ETV6: variants seen among roughly 807,000 people sequenced by gnomAD.
The protein encoded by ETV6 is transcription factor ETV6.
In ETV6, 16 loss-of-function variants were observed where a neutral mutation model predicts 51.1. The ratio of observed to expected loss-of-function variants is 0.31; its 90% CI spans 0.21 to 0.48. The LOEUF (loss-of-function observed/expected upper bound fraction) is 0.48, where lower values mean the gene tolerates loss of function less well. Ranked by LOEUF, ETV6 falls within the 20% of genes least tolerant of loss-of-function variation. ETV6 has a pLI of 0.99. For synonymous variants in ETV6, 240 were observed against 224.1 expected (o/e 1.07, Z -0.64); for missense variants, 458 against 594.8 (o/e 0.77, Z 2.39).
chr12:11,882,588 C>G (rs1186918455), intron 5 of ETV6, among the ~76,000 whole-genome samples: 1 of 152,214 alleles, frequency 6.6e-6, no homozygotes, highest in African/African-American at 2.4e-5. Context: ...AGCCACAGCA[C>G]AGTACCTACA....
intron 1 of ETV6, among the ~76,000 whole-genome samples, chr12:11,712,863 T>G (rs530979807): frequency 3.2e-4 from 48 of 152,322 alleles, no homozygotes; most frequent in Middle Eastern, 3.4e-3. Flanking sequence ...TTTGTGAGCA[T>G]CAGGTGTGAA....
intron 2 of ETV6, among the ~76,000 whole-genome samples, chr12:11,772,936 T>C (rs1945264569): frequency 6.6e-6 from 1 of 152,182 alleles, no homozygotes; most frequent in African/African-American, 2.4e-5. Flanking sequence ...GGCTCATGCC[T>C]GTAATCCCAG....
chr12:11,740,278 C>T (rs1865785896), intron 1 of ETV6, among the ~76,000 whole-genome samples: 1 of 152,148 alleles, frequency 6.6e-6, no homozygotes, highest in Non-Finnish European at 1.5e-5. Flanking sequence ...TATTAGTGCT[C>T]GTCTAGCTCT....
At chr12:11,660,616 A>AT (rs1555110994) in intron 1 of ETV6, among the ~76,000 whole-genome samples, 2 of 150,058 alleles carry the variant, frequency 1.3e-5, no homozygotes, top group South Asian at 2.1e-4. Flanking sequence ...AAAAAAAAAA[A>AT]GGGAGATGGG....
chr12:11,694,260 G>C (rs1189128243), intron 1 of ETV6, among the ~76,000 whole-genome samples: 1 of 152,152 alleles, frequency 6.6e-6, no homozygotes. Context: ...ACCTCTGTGA[G>C]TCTGCATATT....
At position 11,750,703 on chromosome 12, in the gene ETV6, A is replaced by G. The variant is rs377362695; in HGVS notation, c.34-1747A>G. 6.7e-5 allele frequency: 24 copies of G among 359,416 alleles called. No homozygotes were observed. In the East Asian group the frequency reaches 1.6e-3, roughly 23 times the overall value. 22.3% of individuals were successfully genotyped at this position (359,416 alleles called of 1,614,324 possible). A position where few individuals can be genotyped will look rare whatever the true frequency, so the allele number is the denominator to read the frequency against. ...TTGAAGAGTATGGAGAATTTGTTAAATTCTAAAAACAGACTGTTTGAAATG... is the reference window on the plus strand; with the variant it reads ...TTGAAGAGTATGGAGAATTTGTTAAGTTCTAAAAACAGACTGTTTGAAATG... On this transcript the variant is annotated intron_variant, in intron 1 of 7. Coordinates refer to ENST00000396373, the MANE Select transcript of ETV6 (RefSeq NM_001987.5).
chr12:11,750,098 G>A (rs1865993253), intron 1 of ETV6, among the ~76,000 whole-genome samples: 1 of 152,122 alleles, frequency 6.6e-6, no homozygotes, highest in Admixed American at 6.6e-5. Context: ...AAATTGTTTG[G>A]ACGGGGTTTG....
chr12:11,886,093 G>A (rs762829143), intron 7 of ETV6, 67 bp downstream of exon 7: 10 of 1,150,510 alleles, frequency 8.7e-6, no homozygotes, highest in African/African-American at 3.0e-5. Context: ...AACGGGGAGT[G>A]GGGGGAGACT....
chr12:11,868,050 AGTTAGAGG>A (rs1946817412), intron 4 of ETV6, among the ~76,000 whole-genome samples: 1 of 152,140 alleles, frequency 6.6e-6, no homozygotes, highest in Admixed American at 6.5e-5. Flanking sequence ...GAGTGGGATG[AGTTAGAGG>A]TGTCCATCCA....
At chr12:11,722,289 T>C (rs1262664056) in intron 1 of ETV6, among the ~76,000 whole-genome samples, 1 of 152,190 alleles carries the variant, frequency 6.6e-6, no homozygotes, top group African/African-American at 2.4e-5. Context: ...GAGGTGCTAA[T>C]GAACAGTGAA....
intron 1 of ETV6, among the ~76,000 whole-genome samples, chr12:11,658,697 C>CA (rs1372946666): frequency 6.6e-6 from 1 of 152,042 alleles, no homozygotes; most frequent in Non-Finnish European, 1.5e-5. Context: ...AGTCAGTGCT[C>CA]AAAAAAGCTC....
chr12:11,797,970 A>T (rs1468902162), intron 2 of ETV6, among the ~76,000 whole-genome samples: 4 of 152,208 alleles, frequency 2.6e-5, no homozygotes, highest in African/African-American at 9.7e-5. Flanking sequence ...TGGGAATGTG[A>T]TGATAGAAAC....
intron 1 of ETV6, among the ~76,000 whole-genome samples, chr12:11,738,521 C>T (rs904981089): frequency 6.6e-6 from 1 of 151,454 alleles, no homozygotes; most frequent in Non-Finnish European, 1.5e-5. Flanking sequence ...TGCCCAGACT[C>T]ATCTCAAACT....
chr12:11,661,992 G>A (rs1309201518), intron 1 of ETV6, among the ~76,000 whole-genome samples: 1 of 152,198 alleles, frequency 6.6e-6, no homozygotes, highest in Admixed American at 6.5e-5. Context: ...TGCTGTAAGA[G>A]TATCTTTAAC....
At chr12:11,685,208 C>A (rs148226311) in intron 1 of ETV6, among the ~76,000 whole-genome samples, 1 of 151,490 alleles carries the variant, frequency 6.6e-6, no homozygotes, top group African/African-American at 2.4e-5. Context: ...TTTTCAGTGT[C>A]TTAACTTTTC....
At chr12:11,787,599 C>G (rs1045346945) in intron 2 of ETV6, among the ~76,000 whole-genome samples, 3 of 151,904 alleles carry the variant, frequency 2.0e-5, no homozygotes, top group Admixed American at 1.3e-4. Flanking sequence ...GAGACTCACT[C>G]CTTGTTTTGC....
At chr12:11,786,322 G>A (rs1455867835) in intron 2 of ETV6, among the ~76,000 whole-genome samples, 1 of 128,224 alleles carries the variant, frequency 7.8e-6, no homozygotes, top group Non-Finnish European at 1.6e-5. Context: ...TATCAATTAA[G>A]TACAACTTAA....
intron 1 of ETV6, among the ~76,000 whole-genome samples, chr12:11,741,242 G>C (rs1382534634): frequency 2.6e-5 from 4 of 152,144 alleles, no homozygotes; most frequent in South Asian, 2.1e-4. Context: ...AATGGCACAG[G>C]TGCATCTCTG....
intron 2 of ETV6, among the ~76,000 whole-genome samples, chr12:11,794,002 C>T (rs1282177958): frequency 6.6e-6 from 1 of 152,126 alleles, no homozygotes; most frequent in Admixed American, 6.5e-5. Context: ...TGGAAGGCGT[C>T]TTGTACTCCT....
Sources: gnomAD v4.1 joint callset for allele counts (sites outside exome capture counted in the v4.1 genomes callset) on GRCh38, gnomAD v4.1.1 for gene constraint, MANE v1.5 for transcripts, NCBI Gene and HGNC (gene_info 2026-07-23, HGNC 2026-07-21) for gene names.